The following DNAH14 variants were observed in gnomAD, a reference collection of about 807,000 sequenced individuals.
The protein encoded by DNAH14 is dynein axonemal heavy chain 14.
Under a neutral mutation model 520.9 loss-of-function variants are expected in DNAH14, and 478 were observed. The ratio of observed to expected loss-of-function variants is 0.92; its 90% CI spans 0.85 to 0.99. The LOEUF is 0.99. Among genes scored for constraint, DNAH14 ranks in the 50% least tolerant of loss-of-function variants. DNAH14 has a pLI of 0.00. For synonymous variants in DNAH14, 1,581 were observed against 1,757.2 expected, an observed-to-expected ratio of 0.90 and a Z score of 2.51; for missense variants, 4,831 against 5,234.5, an observed-to-expected ratio of 0.92 and a Z score of 2.38.
intron 35 of DNAH14, among the ~76,000 whole-genome samples, chr1:225,165,710 A>G (rs1418031012): frequency 1.3e-5 from 2 of 151,862 alleles, no homozygotes; most frequent in African/African-American, 4.8e-5. Context: ...CAGTCCCCCA[A>G]GTAGCTAGGA....
intron 36 of DNAH14, among the ~76,000 whole-genome samples, chr1:225,173,296 A>G (rs2149243984): frequency 6.6e-6 from 1 of 152,338 alleles, no homozygotes; most frequent in East Asian, 1.9e-4. Flanking sequence ...GCACAGCAAA[A>G]GAAACTACCA....
At chr1:225,375,103 C>T (rs569225242) in intron 78 of DNAH14, among the ~76,000 whole-genome samples, 56 of 152,070 alleles carry the variant, frequency 3.7e-4, no homozygotes, top group African/African-American at 1.3e-3. Context: ...TCATGTCCTC[C>T]GAGAACGTAG....
chr1:225,128,467 C>G (rs1348531942), intron 27 of DNAH14, among the ~76,000 whole-genome samples: 3 of 152,114 alleles, frequency 2.0e-5, no homozygotes, highest in Non-Finnish European at 4.4e-5. Flanking sequence ...GCTTCTCCAC[C>G]ATGATCAAGT....
At position 225,240,793 on chromosome 1, in the gene DNAH14, A is replaced by G. The variant is rs371854981; in HGVS notation, c.6719A>G (p.His2240Arg). 51 of 1,549,846 alleles carry G rather than the reference A, an allele frequency of 3.3e-5. No homozygotes were observed. Among genetic ancestry groups the G allele is most frequent in the Non-Finnish European group, 4.0e-5 (46 of 1,145,874 alleles). ...ACATACGATTTTGACAAACTTGTTC[A>G]TGAATTATTTGGAAACAGTTCACAA... ...KVTYDFDKLVHELFGNSSQVG... is the reference protein window; with the variant it reads ...KVTYDFDKLVRELFGNSSQVG... The change falls in exon 43 of 86, where the codon CAT becomes CGT. Residue 2240 changes from histidine (H) to arginine (R), a missense_variant. Physicochemically the swap from His to Arg is conservative, Grantham distance 29. Coordinates refer to ENST00000682510, the MANE Select transcript of DNAH14 (RefSeq NM_001367479.1).
At chr1:225,388,304 A>C in intron 81 of DNAH14, 75 bp from the exon 82 acceptor site, 1 of 798,906 alleles carries the variant, frequency 1.3e-6, no homozygotes, top group South Asian at 2.0e-5. Flanking sequence ...TCTATTACCA[A>C]GGTTTGCAGA....
intron 11 of DNAH14, among the ~76,000 whole-genome samples, chr1:225,027,998 G>A (rs1287429686): frequency 2.6e-5 from 4 of 151,822 alleles, no homozygotes; most frequent in Non-Finnish European, 4.4e-5. Context: ...CTTAATTTTA[G>A]TTTATTATCC....
intron 11 of DNAH14, among the ~76,000 whole-genome samples, chr1:225,029,603 A>C (rs754894014): frequency 2.6e-5 from 4 of 151,998 alleles, no homozygotes; most frequent in African/African-American, 4.8e-5. Context: ...CTGACCACAC[A>C]AATATATTTA....
intron 17 of DNAH14, among the ~76,000 whole-genome samples, chr1:225,069,081 CA>C (rs1272032625): frequency 0.051 from 138 of 2,714 alleles, 41 homozygotes; most frequent in Non-Finnish European, 0.12. Context: ...GACTCCGTCT[CA>C]AAAAAAAAAA....
chr1:225,333,235 A>T lies in DNAH14; in HGVS notation c.9865-56A>T, dbSNP rs1220710134. On this transcript the variant is annotated intron_variant, in intron 65 of 85. Transcript: ENST00000682510. ...CAACTTGGAAATCATTAATTTTAAA[A>T]TATCTCATGATAATATATTTTATAT... The T allele has an allele frequency of 3.0e-6, 4 of 1,344,588 alleles. No homozygotes were observed. The African/African-American group carries it at 5.9e-5, about 20-fold the overall frequency. 83.3% of individuals were successfully genotyped at this position (1,344,588 alleles called of 1,614,324 possible). A position where few individuals can be genotyped will look rare whatever the true frequency, so the allele number is the denominator to read the frequency against.
intron 8 of DNAH14, among the ~76,000 whole-genome samples, chr1:225,001,142 A>G (rs988139497): frequency 5.3e-5 from 8 of 150,264 alleles, no homozygotes; most frequent in Non-Finnish European, 8.9e-5. Context: ...TGGCGTTTCT[A>G]GGTTACTGGT....
intron 23 of DNAH14, among the ~76,000 whole-genome samples, chr1:225,108,311 T>G (rs1832540): frequency 0.32 from 48,978 of 151,994 alleles, 13,862 homozygotes; most frequent in African/African-American, 0.76. Context: ...TACCTTTGAG[T>G]TTTTGGGACT....
Position 225,389,796 on chromosome 1 carries a change from A to C in DNAH14, c.13253A>C (p.His4418Pro), listed in dbSNP as rs1183837479. The C allele has an allele frequency of 9.7e-6, 15 of 1,551,986 alleles. No homozygotes were observed. The highest frequency in any genetic ancestry group is 1.3e-5 in the Non-Finnish European group (15 of 1,147,016). The change falls in exon 83 of 86, where the codon CAC (histidine) becomes CCC (proline). Residue 4418 changes from histidine (H) to proline (P), a missense_variant. By Grantham distance (77) the His-to-Pro change is moderately conservative (BLOSUM62 -2). Transcript: ENST00000682510. ...CCATCAACTAGCCAAAAATGCAAACACCCTGAGGATTCAGAGAACAATTTC... is the reference window on the plus strand; with the variant it reads ...CCATCAACTAGCCAAAAATGCAAACCCCCTGAGGATTCAGAGAACAATTTC... ...SIPSTSQKCK[H>P]PEDSENNFFE...
chr1:225,272,683 A>C (rs894035777), intron 51 of DNAH14, among the ~76,000 whole-genome samples: 1 of 152,116 alleles, frequency 6.6e-6, no homozygotes, highest in African/African-American at 2.4e-5. Context: ...ACTGTAGTCG[A>C]GACTCCCATC....
chr1:225,082,586 A>G lies in DNAH14; in HGVS notation c.3174A>G (p.Gln1058=), dbSNP rs1364857581. ...PKSDMVTHLK[Q]VVTEFKQELP... is the part of the protein sequence containing the mutation. Reference sequence around the variant, plus strand: ...GCGATATGGTAACACATCTTAAGCAAGTGGTAACAGAGTTTAAACAAGAGC... The same window carrying G: ...GCGATATGGTAACACATCTTAAGCAGGTGGTAACAGAGTTTAAACAAGAGC... Residue 1058 remains glutamine (Q), a synonymous_variant, in exon 20 of 86, where the codon CAA becomes CAG. Transcript: ENST00000682510. 2.6e-6 allele frequency: 4 copies of G among 1,551,440 alleles called. No individual in the cohort carries two copies. The South Asian group carries it at 4.8e-5, about 18-fold the overall frequency.
chr1:225,280,150 G>GA (rs1209918066), intron 54 of DNAH14, among the ~76,000 whole-genome samples: 2 of 150,344 alleles, frequency 1.3e-5, no homozygotes, highest in Non-Finnish European at 3.0e-5. Context: ...ACAAGAGAAA[G>GA]AAAAAAAATG....
chr1:225,348,023 TA>T (rs1419579385), intron 71 of DNAH14, among the ~76,000 whole-genome samples: 3 of 151,724 alleles, frequency 2.0e-5, no homozygotes, highest in African/African-American at 7.3e-5. Flanking sequence ...AGCAAAGACA[TA>T]AAAACTATAA....
chr1:225,217,792 C>A (rs2089578936), intron 41 of DNAH14, among the ~76,000 whole-genome samples: 2 of 152,128 alleles, frequency 1.3e-5, no homozygotes, highest in Admixed American at 1.3e-4. Flanking sequence ...TTTCCAGGTA[C>A]CGTCTGTCAC....
chr1:225,093,409 A>G (rs185892877), intron 21 of DNAH14, among the ~76,000 whole-genome samples: 2 of 152,312 alleles, frequency 1.3e-5, no homozygotes, highest in Admixed American at 6.5e-5. Flanking sequence ...AGATGCAGAA[A>G]AAGCTTTCAA....
rs537618459 is a variant in DNAH14, at chr1:225,239,333, C to A, written c.6519-1260C>A. On this transcript the variant is annotated intron_variant, in intron 42 of 85. Transcript: ENST00000682510. ...CTGGTGGCATGGGCTCACGGGGGAT[C>A]TCCTGATCTGTGGGTTGCAAAGATC... is the stretch of plus-strand genomic sequence containing the variant. Among the ~76,000 whole-genome samples the A allele has an allele frequency of 2.6e-5, 4 of 152,206 alleles. No homozygotes were observed. The South Asian group carries it at 8.3e-4, about 32-fold the overall frequency.
Sources: allele counts gnomAD v4.1 joint callset (sites outside exome capture counted in the v4.1 genomes callset), GRCh38; gene constraint gnomAD v4.1.1; transcripts MANE v1.5; gene names NCBI Gene and HGNC (gene_info 2026-07-23, HGNC 2026-07-21).